SLC25A33: variants seen among roughly 807,000 people sequenced by gnomAD.
The protein encoded by SLC25A33 is bone marrow stromal cell mitochondrial carrier protein.
A neutral mutation model predicts 35.5 loss-of-function variants in SLC25A33; 15 were observed. The observed-to-expected ratio is 0.42, with a 90% confidence interval of 0.28 to 0.65. The LOEUF is 0.65. Ranked by LOEUF, SLC25A33 falls within the 30% of genes least tolerant of loss-of-function variation. The probability of loss-of-function intolerance (pLI) is 0.20; values close to 1 mark genes in which losing one functional copy is unlikely to be tolerated. For synonymous variants in SLC25A33, 136 were observed against 148.7 expected (o/e 0.91, Z 0.62); for missense variants, 257 against 398.5 (o/e 0.64, Z 3.02).
intron 2 of SLC25A33, among the ~76,000 whole-genome samples, chr1:9,555,022 GC>G (rs1277578104): frequency 6.6e-6 from 1 of 151,320 alleles, no homozygotes; most frequent in Non-Finnish European, 1.5e-5. Context: ...CATCAAGAAA[GC>G]TATCAGTGTA....
At chr1:9,571,598 G>C (rs1643591552) in intron 4 of SLC25A33, among the ~76,000 whole-genome samples, 1 of 151,782 alleles carries the variant, frequency 6.6e-6, no homozygotes, top group Admixed American at 6.6e-5. Context: ...TTTGTATAGA[G>C]TTCTATGTTC....
Position 9,578,154 on chromosome 1 carries a change from G to A in SLC25A33, c.483-1800G>A, listed in dbSNP as rs945083929. Among the ~76,000 whole-genome samples the A allele has an allele frequency of 5.3e-5, 8 of 152,148 alleles. No homozygotes were observed. The highest frequency in any genetic ancestry group is 1.0e-4 in the Non-Finnish European group (7 of 68,030). ...AGGATGGTCTCGATCTCCTGACCTCGTGATCTGCCCACCTCAGCCTCCCAA... is the reference window on the plus strand; with the variant it reads ...AGGATGGTCTCGATCTCCTGACCTCATGATCTGCCCACCTCAGCCTCCCAA... On this transcript the variant is annotated intron_variant, in intron 5 of 6. Transcript: ENST00000302692. The surrounding 1 kb of genome is among the most constrained non-coding windows in gnomAD (Gnocchi z 4.3).
At chr1:9,545,395 C>A (rs1333188404) in intron 1 of SLC25A33, among the ~76,000 whole-genome samples, 1 of 151,082 alleles carries the variant, frequency 6.6e-6, no homozygotes, top group Non-Finnish European at 1.5e-5. Flanking sequence ...ACCTGTGATC[C>A]CAGCACTTAA....
rs367673012 is a variant in SLC25A33, at chr1:9,576,715, G to A, written c.483-3239G>A. The A allele has an allele frequency of 5.2e-5, 39 of 748,128 alleles. No homozygotes were observed. The East Asian group carries it at 1.2e-3, about 23-fold the overall frequency. The allele number at this position is 748,128 out of a possible 1,614,324, so 46.3% of individuals were successfully genotyped here. On this transcript the variant is annotated intron_variant, in intron 5 of 6. Transcript: ENST00000302692. ...GTCTGCGTATGCTCACTTCCCCACC[G>A]ACATTGTTATCCAGGAGGATGGGTC...
chr1:9,541,922 C>G (rs1166751199), intron 1 of SLC25A33, among the ~76,000 whole-genome samples: 1 of 151,904 alleles, frequency 6.6e-6, no homozygotes, highest in Non-Finnish European at 1.5e-5. Flanking sequence ...GCCTCAGCCT[C>G]CCGAATAGCT....
chr1:9,545,512 C>G (rs1643153745), intron 1 of SLC25A33, among the ~76,000 whole-genome samples: 1 of 152,030 alleles, frequency 6.6e-6, no homozygotes. Flanking sequence ...ATTCTCCTGC[C>G]TCAGCCTCCT....
intron 2 of SLC25A33, among the ~76,000 whole-genome samples, chr1:9,566,260 G>C (rs1643504053): frequency 6.6e-6 from 1 of 152,052 alleles, no homozygotes; most frequent in Non-Finnish European, 1.5e-5. Flanking sequence ...AGGCTGGTCT[G>C]GAACTCCTGG....
At chr1:9,554,388 T>C (rs543056529) in intron 2 of SLC25A33, among the ~76,000 whole-genome samples, 3 of 152,192 alleles carry the variant, frequency 2.0e-5, no homozygotes, top group Non-Finnish European at 2.9e-5. Context: ...AGCTGGAGTT[T>C]TGCTCTCGTT....
intron 2 of SLC25A33, among the ~76,000 whole-genome samples, chr1:9,555,284 ATT>A (rs1031555060): frequency 6.6e-6 from 1 of 151,440 alleles, no homozygotes; most frequent in Non-Finnish European, 1.5e-5. Flanking sequence ...CACCCAGCTA[ATT>A]TTTTTGTATT....
chr1:9,571,484 A>C (rs867278280), intron 4 of SLC25A33, among the ~76,000 whole-genome samples: 1 of 151,972 alleles, frequency 6.6e-6, no homozygotes, highest in South Asian at 2.1e-4. Flanking sequence ...TAGTAGAGGC[A>C]GGGTTTCACC....
chr1:9,559,716 G>C (rs2100388504), intron 2 of SLC25A33, among the ~76,000 whole-genome samples: 1 of 152,166 alleles, frequency 6.6e-6, no homozygotes, highest in African/African-American at 2.4e-5. Flanking sequence ...CTTAACAGAG[G>C]GTGGCTCCTT....
intron 1 of SLC25A33, among the ~76,000 whole-genome samples, chr1:9,553,203 GTTTTTTTTTT>G (rs550067186): frequency 1.8e-3 from 103 of 56,504 alleles, no homozygotes; most frequent in African/African-American, 6.3e-3. Flanking sequence ...TTCTAGTTTT[GTTTTTTTTTT>G]TTTTTTTTTT....
At chr1:9,541,444 C>T (rs1433576698) in intron 1 of SLC25A33, among the ~76,000 whole-genome samples, 1 of 152,134 alleles carries the variant, frequency 6.6e-6, no homozygotes, top group African/African-American at 2.4e-5. Flanking sequence ...CCACTGCGCC[C>T]GGCCACGCCC....
intron 1 of SLC25A33, among the ~76,000 whole-genome samples, chr1:9,550,958 A>T (rs1643258122): frequency 6.6e-6 from 1 of 152,048 alleles, no homozygotes; most frequent in Non-Finnish European, 1.5e-5. Flanking sequence ...GATTACAGGC[A>T]TGAGCTGTCA....
intron 1 of SLC25A33, among the ~76,000 whole-genome samples, chr1:9,547,802 CTT>C (rs112195824): frequency 7.0e-6 from 1 of 143,678 alleles, no homozygotes; most frequent in African/African-American, 2.5e-5. Flanking sequence ...GGCCTTCAAA[CTT>C]TTTTTTTTTT....
intron 2 of SLC25A33, among the ~76,000 whole-genome samples, chr1:9,559,841 A>C (rs893898311): frequency 1.3e-4 from 20 of 152,142 alleles, no homozygotes; most frequent in African/African-American, 4.8e-4. Context: ...GATGGTTTAC[A>C]GAGAGGGTCT....
At chr1:9,575,037 C>A (rs1643641110) in intron 5 of SLC25A33, among the ~76,000 whole-genome samples, 1 of 151,452 alleles carries the variant, frequency 6.6e-6, no homozygotes, top group Admixed American at 6.6e-5. Context: ...CACGGTGAAA[C>A]CCTGTCTCTA....
chr1:9,554,622 GT>G (rs1371692659), intron 2 of SLC25A33, among the ~76,000 whole-genome samples: 1 of 151,684 alleles, frequency 6.6e-6, no homozygotes, highest in Non-Finnish European at 1.5e-5. Context: ...GCCTCCCAAA[GT>G]GCTGGGATTA....
At chr1:9,581,027 G>A (rs895525961) in intron 6 of SLC25A33, among the ~76,000 whole-genome samples, 1 of 152,104 alleles carries the variant, frequency 6.6e-6, no homozygotes, top group African/African-American at 2.4e-5. Flanking sequence ...TGAAAAACAG[G>A]TTTTATTTTC....
Sources: gnomAD v4.1 joint callset for allele counts (sites outside exome capture counted in the v4.1 genomes callset) on GRCh38, gnomAD v4.1.1 for gene constraint, Gnocchi (gnomAD v3.1) non-coding constraint, MANE v1.5 for transcripts, NCBI Gene and HGNC (gene_info 2026-07-23, HGNC 2026-07-21) for gene names.